Variants in PRLR observed in about 807,000 individuals in gnomAD.
PRLR encodes prolactin receptor, also known as hPRL receptor.
Under a neutral mutation model 40.2 loss-of-function variants are expected in PRLR, and 13 were observed. The ratio of observed to expected loss-of-function variants is 0.32; its 90% CI spans 0.21 to 0.51. PRLR has a LOEUF of 0.51. Ranked by LOEUF, PRLR falls within the 20% of genes least tolerant of loss-of-function variation. The pLI, the probability that PRLR is intolerant of heterozygous loss-of-function variation, is 0.97. For synonymous variants in PRLR, 269 were observed against 278.7 expected, an observed-to-expected ratio of 0.97 and a Z score of 0.35; for missense variants, 656 against 747.3, an observed-to-expected ratio of 0.88 and a Z score of 1.42.
chr5:35,181,344 A>C (rs1196971358), intron 1 of PRLR, among the ~76,000 whole-genome samples: 2 of 152,246 alleles, frequency 1.3e-5, no homozygotes, highest in African/African-American at 4.8e-5. Flanking sequence ...GGTGAGCCAC[A>C]TGTTGCAGGT....
At position 35,062,510 on chromosome 5, in the gene PRLR, C is replaced by T. The variant is rs1315827525; in HGVS notation, c.*2579G>A. 1 of 144,702 alleles carries T rather than the reference C, an allele frequency of 6.9e-6. No individual in the cohort carries two copies. Among genetic ancestry groups the T allele is most frequent in the African/African-American group, 2.8e-5 (1 of 35,218 alleles). 9.0% of individuals were successfully genotyped at this position (144,702 alleles called of 1,614,324 possible). A position where few individuals can be genotyped will look rare whatever the true frequency, so the allele number is the denominator to read the frequency against. ...TGCTAATTGATCATAGAATTAAAGT[C>T]TTGGCCTAATGAGTGGCTAATTGTT... On this transcript the variant is annotated 3_prime_UTR_variant, in exon 10 of 10. Transcript: ENST00000618457.
At chr5:35,141,487 G>C (rs1774024465) in intron 1 of PRLR, among the ~76,000 whole-genome samples, 1 of 152,144 alleles carries the variant, frequency 6.6e-6, no homozygotes, top group Admixed American at 6.5e-5. Flanking sequence ...GACTGAGGCT[G>C]AGCAAAGTAG....
chr5:35,213,448 T>C (rs1056363278), intron 1 of PRLR, among the ~76,000 whole-genome samples: 1 of 152,244 alleles, frequency 6.6e-6, no homozygotes, highest in African/African-American at 2.4e-5. Flanking sequence ...ATTCTCACCT[T>C]AACAATACAA....
chr5:35,150,189 C>A (rs559427386), intron 1 of PRLR, among the ~76,000 whole-genome samples: 21 of 152,322 alleles, frequency 1.4e-4, no homozygotes, highest in African/African-American at 5.1e-4. Context: ...CGGCCACTAC[C>A]TAGTCTAAAA....
rs934673662 is a variant in PRLR at position 35,100,843 on chromosome 5, G to A, written c.-43-11180C>T. 1.1e-4 allele frequency among the ~76,000 whole-genome samples: 16 copies of A among 152,186 alleles called. 1 individual carries two copies. Among genetic ancestry groups the A allele is most frequent in the African/African-American group, 2.4e-4 (10 of 41,446 alleles). ...AATTGAGGACTGTGAGGTCCTAAAAGCTCAGTACAGCCAACAGATGAAAGG... is the reference window on the plus strand; with the variant it reads ...AATTGAGGACTGTGAGGTCCTAAAAACTCAGTACAGCCAACAGATGAAAGG... On this transcript the variant is annotated intron_variant, in intron 2 of 9. Coordinates refer to ENST00000618457, the MANE Select transcript of PRLR (RefSeq NM_000949.7).
At chr5:35,152,687 T>C (rs1032552675) in intron 1 of PRLR, 4 of 152,234 alleles carry the variant, frequency 2.6e-5, no homozygotes, top group Non-Finnish European at 5.9e-5. Flanking sequence ...TTGGGAGTTA[T>C]GTACCCAAGA....
intron 1 of PRLR, among the ~76,000 whole-genome samples, chr5:35,143,249 A>G (rs745362603): frequency 3.3e-5 from 5 of 152,232 alleles, no homozygotes; most frequent in Non-Finnish European, 5.9e-5. Context: ...GAAGACGACT[A>G]TAGGAAATAT....
At chr5:35,158,576 C>T (rs1309941520) in intron 1 of PRLR, among the ~76,000 whole-genome samples, 1 of 152,100 alleles carries the variant, frequency 6.6e-6, no homozygotes, top group African/African-American at 2.4e-5. Flanking sequence ...ACAGGCTTAC[C>T]TTGCCCAATG....
intron 2 of PRLR, among the ~76,000 whole-genome samples, chr5:35,097,142 C>G (rs1771584022): frequency 1.3e-5 from 2 of 152,168 alleles, no homozygotes; most frequent in African/African-American, 4.8e-5. Context: ...ACTCAGCATG[C>G]TCCCCATATA....
intron 1 of PRLR, among the ~76,000 whole-genome samples, chr5:35,138,443 T>G (rs2962112): frequency 0.15 from 22,730 of 152,168 alleles, 3,342 homozygotes; most frequent in African/African-American, 0.38. Flanking sequence ...AGTTTTTTAT[T>G]TTTTGATTTG....
intron 1 of PRLR, among the ~76,000 whole-genome samples, chr5:35,226,105 G>A (rs1263325067): frequency 1.3e-5 from 2 of 152,206 alleles, no homozygotes; most frequent in Non-Finnish European, 1.5e-5. Flanking sequence ...TGTGGCTAGT[G>A]GCTACTGTAT....
rs1768872108 is a variant in PRLR at position 35,058,825 on chromosome 5, T to C, written c.*6264A>G. ...GTAACAGTTACTGTAAAGTCAGTAA[T>C]GCCACTTGGCAAATACATCAAATAT... On this transcript the variant is annotated 3_prime_UTR_variant, in exon 10 of 10. Coordinates refer to ENST00000618457, the MANE Select transcript of PRLR (RefSeq NM_000949.7). 2 of 152,196 alleles carry C rather than the reference T, an allele frequency of 1.3e-5. No homozygotes were observed. Among genetic ancestry groups the C allele is most frequent in the Admixed American group, 6.5e-5 (1 of 15,274 alleles). The allele number at this position is 152,196 out of a possible 1,614,324, so 9.4% of individuals were successfully genotyped here. A position where few individuals can be genotyped will look rare whatever the true frequency, so the allele number is the denominator to read the frequency against.
At position 35,191,362 on chromosome 5, in the gene PRLR, G is replaced by A. The variant is rs561446620; in HGVS notation, c.-106+38906C>T. ...TGGGATTACAGGCGTGAGCCACCGCGCCCGGCCCAGATGTGTTATTTTCAA... is the reference window on the plus strand; with the variant it reads ...TGGGATTACAGGCGTGAGCCACCGCACCCGGCCCAGATGTGTTATTTTCAA... On this transcript the variant is annotated intron_variant, in intron 1 of 9. Coordinates refer to ENST00000618457, the MANE Select transcript of PRLR (RefSeq NM_000949.7). Among the ~76,000 whole-genome samples the A allele has an allele frequency of 6.6e-4, 58 of 87,730 alleles. 8 individuals are homozygous for A. Among genetic ancestry groups the A allele is most frequent in the African/African-American group, 2.2e-3 (55 of 24,846 alleles). 57.6% of individuals were successfully genotyped at this position (87,730 alleles called of 152,430 possible).
intron 2 of PRLR, among the ~76,000 whole-genome samples, chr5:35,116,695 G>T (rs756400123): frequency 6.6e-6 from 1 of 152,144 alleles, no homozygotes; most frequent in Non-Finnish European, 1.5e-5. Flanking sequence ...AGTCTGAATG[G>T]GTCGATTCAC....
chr5:35,158,016 G>C (rs1445261800), intron 1 of PRLR, among the ~76,000 whole-genome samples: 1 of 152,200 alleles, frequency 6.6e-6, no homozygotes, highest in East Asian at 1.9e-4. Context: ...TGAGTATTTA[G>C]AGAACCTGTG....
intron 1 of PRLR, among the ~76,000 whole-genome samples, chr5:35,120,301 A>AT (rs1773244198): frequency 1.3e-5 from 2 of 152,104 alleles, no homozygotes; most frequent in Non-Finnish European, 2.9e-5. Flanking sequence ...CTTTATGCAG[A>AT]TAGGGGGGTG....
At chr5:35,114,957 T>C (rs1281409923) in intron 2 of PRLR, among the ~76,000 whole-genome samples, 1 of 152,212 alleles carries the variant, frequency 6.6e-6, no homozygotes, top group Non-Finnish European at 1.5e-5. Context: ...GCTGGTGATG[T>C]TGGGCTGCAC....
chr5:35,219,952 G>C (rs1355229895), intron 1 of PRLR, among the ~76,000 whole-genome samples: 3 of 152,148 alleles, frequency 2.0e-5, no homozygotes, highest in Non-Finnish European at 2.9e-5. Context: ...CCCTCCATCT[G>C]AAAGCCATGC....
At chr5:35,113,590 A>G (rs1350763605) in intron 2 of PRLR, among the ~76,000 whole-genome samples, 1 of 152,240 alleles carries the variant, frequency 6.6e-6, no homozygotes, top group Non-Finnish European at 1.5e-5. Flanking sequence ...TAATCCTTCA[A>G]CAAATATCAA....
Sources: gnomAD v4.1 joint callset for allele counts (sites outside exome capture counted in the v4.1 genomes callset) on GRCh38, gnomAD v4.1.1 for gene constraint, MANE v1.5 for transcripts, NCBI Gene and HGNC (gene_info 2026-07-23, HGNC 2026-07-21) for gene names.